SIPA1L2: variants seen among roughly 807,000 people sequenced by gnomAD.
The protein encoded by SIPA1L2 is signal induced proliferation associated 1 like 2.
Under a neutral mutation model 163.9 loss-of-function variants are expected in SIPA1L2, and 56 were observed. The observed-to-expected ratio is 0.34, with a 90% CI of 0.28 to 0.43. The LOEUF is 0.43. SIPA1L2 is among the 20% of genes least tolerant of loss of function. The probability of loss-of-function intolerance (pLI) is 1.00; values close to 1 mark genes in which losing one functional copy is unlikely to be tolerated. For synonymous variants in SIPA1L2, 877 were observed against 865.7 expected (o/e 1.01, Z -0.23); for missense variants, 1,974 against 2,193.5 (o/e 0.90, Z 2.00).
chr1:232,582,274 T>TA (rs1660421585), intron 1 of SIPA1L2, among the ~76,000 whole-genome samples: 4 of 152,094 alleles, frequency 2.6e-5, no homozygotes, highest in Admixed American at 2.6e-4. Flanking sequence ...ACCCAAGAGA[T>TA]AGTGTTTTAC....
At chr1:232,513,823 G>A (rs372310582) in intron 3 of SIPA1L2, 34 bp downstream of exon 3, 2 of 1,528,402 alleles carry the variant, frequency 1.3e-6, no homozygotes, top group South Asian at 1.3e-5. Context: ...AACTACTCCC[G>A]AGACACATGC....
intron 3 of SIPA1L2, among the ~76,000 whole-genome samples, chr1:232,504,545 C>CA (rs373258695): frequency 4.6e-4 from 63 of 137,426 alleles, no homozygotes; most frequent in East Asian, 1.0e-3. Flanking sequence ...CTCAGAAAGA[C>CA]AAAAAAAAAA....
intron 1 of SIPA1L2, among the ~76,000 whole-genome samples, chr1:232,581,204 T>C (rs771708487): frequency 6.6e-6 from 1 of 152,184 alleles, no homozygotes; most frequent in Non-Finnish European, 1.5e-5. Flanking sequence ...GCCCTTGATG[T>C]CATGCTGTCC....
At chr1:232,584,934 G>A (rs1573125405) in intron 1 of SIPA1L2, among the ~76,000 whole-genome samples, 2 of 152,194 alleles carry the variant, frequency 1.3e-5, no homozygotes, top group South Asian at 2.1e-4. Flanking sequence ...CCATATATGG[G>A]GGAGAGAGGA....
chr1:232,561,514 T>G (rs1427495958), intron 2 of SIPA1L2: 1 of 152,212 alleles, frequency 6.6e-6, no homozygotes, highest in Non-Finnish European at 1.5e-5. Flanking sequence ...TCATCCGATG[T>G]CCTTCTCTAC....
At chr1:232,576,893 A>G (rs1459098225) in intron 1 of SIPA1L2, among the ~76,000 whole-genome samples, 1 of 152,046 alleles carries the variant, frequency 6.6e-6, no homozygotes, top group African/African-American at 2.4e-5. Context: ...CTTCAATTCA[A>G]TGAAGGCTGA....
intron 16 of SIPA1L2, among the ~76,000 whole-genome samples, chr1:232,431,351 T>C (rs1331266857): frequency 2.6e-5 from 4 of 152,226 alleles, no homozygotes; most frequent in African/African-American, 9.6e-5. Flanking sequence ...ATGTTCAATT[T>C]AAGCACTAAA....
intron 3 of SIPA1L2, among the ~76,000 whole-genome samples, chr1:232,504,642 A>G (rs1666639886): frequency 6.6e-6 from 1 of 152,238 alleles, no homozygotes; most frequent in African/African-American, 2.4e-5. Flanking sequence ...AAGTTTTGAA[A>G]AACATAGATT....
chr1:232,553,172 G>C (rs1658497761), intron 2 of SIPA1L2, among the ~76,000 whole-genome samples: 1 of 152,190 alleles, frequency 6.6e-6, no homozygotes, highest in African/African-American at 2.4e-5. Context: ...CTGGAGAGGA[G>C]GTAGAGTGGG....
chr1:232,481,396 C>T (rs1054616185), intron 6 of SIPA1L2, among the ~76,000 whole-genome samples: 3 of 151,778 alleles, frequency 2.0e-5, no homozygotes, highest in Non-Finnish European at 4.4e-5. Flanking sequence ...GGTTCAAATT[C>T]GGAAAGAGAA....
chr1:232,584,952 T>C (rs1466290182), intron 1 of SIPA1L2, among the ~76,000 whole-genome samples: 1 of 152,246 alleles, frequency 6.6e-6, no homozygotes, highest in African/African-American at 2.4e-5. Flanking sequence ...GGAAGTATTG[T>C]GGCTGATTTA....
intron 2 of SIPA1L2, among the ~76,000 whole-genome samples, chr1:232,538,492 C>T (rs1465573220): frequency 6.6e-6 from 1 of 152,168 alleles, no homozygotes; most frequent in Non-Finnish European, 1.5e-5. Flanking sequence ...CTGTATGGCA[C>T]CAGCTCCCTT....
intron 10 of SIPA1L2, among the ~76,000 whole-genome samples, chr1:232,449,018 C>G (rs1172858803): frequency 3.3e-5 from 5 of 151,976 alleles, no homozygotes; most frequent in Non-Finnish European, 7.4e-5. Context: ...AGAATGCTCA[C>G]CACCCCACAG....
chr1:232,588,932 A>C (rs1449041375), intron 1 of SIPA1L2, among the ~76,000 whole-genome samples: 3 of 152,208 alleles, frequency 2.0e-5, no homozygotes, highest in Admixed American at 1.3e-4. Flanking sequence ...TGATTTCTAA[A>C]ATCCCTTTTT....
intron 3 of SIPA1L2, among the ~76,000 whole-genome samples, chr1:232,501,050 ATT>A (rs60008360): frequency 4.0e-4 from 31 of 78,438 alleles, no homozygotes; most frequent in South Asian, 1.2e-3. Context: ...GCAATGAAGT[ATT>A]TTTTTTTTTT....
intron 3 of SIPA1L2, among the ~76,000 whole-genome samples, chr1:232,498,085 CA>C (rs1666289263): frequency 6.6e-6 from 1 of 152,142 alleles, no homozygotes; most frequent in African/African-American, 2.4e-5. Flanking sequence ...CCCTCACCTC[CA>C]AAAAGGCCAA....
chr1:232,401,927 T>C (rs1049036359), intron 22 of SIPA1L2, among the ~76,000 whole-genome samples: 3 of 152,222 alleles, frequency 2.0e-5, no homozygotes, highest in African/African-American at 7.2e-5. Flanking sequence ...GGATACAGAA[T>C]TTAATTTCTT....
At chr1:232,597,533 A>T (rs1440811370) in intron 1 of SIPA1L2, among the ~76,000 whole-genome samples, 1 of 151,298 alleles carries the variant, frequency 6.6e-6, no homozygotes, top group African/African-American at 2.4e-5. Context: ...CAAAAAAAAA[A>T]AAAAAAATTA....
chr1:232,570,343 C>A (rs977641472), intron 2 of SIPA1L2, among the ~76,000 whole-genome samples: 6 of 152,198 alleles, frequency 3.9e-5, no homozygotes, highest in African/African-American at 1.4e-4. Flanking sequence ...ATGGTAAAAT[C>A]ATCTACAAAG....
Sources: allele counts gnomAD v4.1 joint callset (sites outside exome capture counted in the v4.1 genomes callset), GRCh38; gene constraint gnomAD v4.1.1; transcripts MANE v1.5; gene names NCBI Gene and HGNC (gene_info 2026-07-23, HGNC 2026-07-21).